Variants in MAP6 observed in about 807,000 individuals in gnomAD.
MAP6 encodes the protein microtubule-associated protein 6.
A neutral mutation model predicts 42.4 loss-of-function variants in MAP6; 26 were observed. The observed-to-expected ratio is 0.61, with a 90% CI of 0.45 to 0.85. MAP6 has a LOEUF of 0.85. MAP6 is among the 40% of genes least tolerant of loss of function. The pLI is 0.00. For missense variants in MAP6, 966 were observed against 1,099.0 expected (o/e 0.88, Z 1.71); for synonymous variants, 418 against 443.8 (o/e 0.94, Z 0.73).
At chr11:75,641,137 T>C (rs1409329175) in intron 1 of MAP6, among the ~76,000 whole-genome samples, 1 of 152,142 alleles carries the variant, frequency 6.6e-6, no homozygotes, top group Admixed American at 6.5e-5. Context: ...ATATACACCA[T>C]GGAACACTAT....
chr11:75,602,969 T>C, intron 3 of MAP6: 1 of 985,850 alleles, frequency 1.0e-6, no homozygotes, highest in Non-Finnish European at 1.2e-6. Flanking sequence ...TATACATGAA[T>C]ATTTTTGTCA....
chr11:75,595,566 T>G (rs1942563838), intron 3 of MAP6, among the ~76,000 whole-genome samples: 1 of 152,186 alleles, frequency 6.6e-6, no homozygotes, highest in Non-Finnish European at 1.5e-5. Flanking sequence ...ATACCTCCAA[T>G]GATCAGCCCA....
intron 3 of MAP6, chr11:75,604,191 G>C: frequency 1.0e-6 from 1 of 985,884 alleles, no homozygotes; most frequent in Non-Finnish European, 1.2e-6. Context: ...TGATATTCCT[G>C]TTCTGTTAAT....
chr11:75,641,551 A>G (rs905953797), intron 1 of MAP6, among the ~76,000 whole-genome samples: 1 of 151,992 alleles, frequency 6.6e-6, no homozygotes, highest in Non-Finnish European at 1.5e-5. Flanking sequence ...GGGGCCCAGG[A>G]TCTGCACTGT....
chr11:75,617,914 C>T (rs959012815), intron 1 of MAP6, among the ~76,000 whole-genome samples: 1 of 152,106 alleles, frequency 6.6e-6, no homozygotes, highest in African/African-American at 2.4e-5. Flanking sequence ...CCCCAACGAT[C>T]TGTGTCTGTC....
chr11:75,628,510 AG>A (rs1398937573), intron 1 of MAP6, among the ~76,000 whole-genome samples: 1 of 152,188 alleles, frequency 6.6e-6, no homozygotes, highest in Admixed American at 6.5e-5. Context: ...TGGAAAGGTG[AG>A]GAGCTGGGGG....
Position 75,668,640 on chromosome 11 carries a change from C to T in MAP6, c.-271G>A. On this transcript the variant is annotated 5_prime_UTR_variant, in exon 1 of 4. Transcript: ENST00000304771. ...CCGAAGGGTGAGACGCACGGCGTTC[C>T]CGAGTCCCCGGCGAGGGTGTCTGGG... 3.4e-6 allele frequency: 1 copy of T among 293,600 alleles called. No homozygotes were observed. Among genetic ancestry groups the T allele is most frequent in the Non-Finnish European group, 6.2e-6 (1 of 161,466 alleles). The allele number at this position is 293,600 out of a possible 1,614,324, so 18.2% of individuals were successfully genotyped here.
rs775532698 is a variant in MAP6 at position 75,587,499 on chromosome 11, G to T, written c.2002C>A (p.Pro668Thr). The T allele has an allele frequency of 6.2e-7, 1 of 1,614,138 alleles. No homozygotes were observed. The highest frequency in any genetic ancestry group is 1.7e-5 in the Admixed American group (1 of 60,020). Residue 668 changes from proline (P) to threonine (T), a missense_variant, in exon 4 of 4, where the codon CCT (proline) becomes ACT (threonine). By Grantham distance (38) the Pro-to-Thr change is conservative. Coordinates refer to ENST00000304771, the MANE Select transcript of MAP6 (RefSeq NM_033063.2). Reference sequence around the variant, plus strand: ...ACCACTAAACCTTGATTCTTTACAGGCTCAGAGACCATGGAACCTTGATTC... The same window carrying T: ...ACCACTAAACCTTGATTCTTTACAGTCTCAGAGACCATGGAACCTTGATTC... The part of the protein sequence containing the change: ...IKNQGSMVSE[P>T]VKNQGLVVSG...
At position 75,587,546 on chromosome 11, in the gene MAP6, G is replaced by A; in HGVS notation, c.1955C>T (p.Ala652Val). Reference sequence around the variant, plus strand: ...ATTCTTTATGGGTGCTGTGGCCATGGCACTTTCATCCTTCGGATGCTCTGG... The same window carrying A: ...ATTCTTTATGGGTGCTGTGGCCATGACACTTTCATCCTTCGGATGCTCTGG... ...MVPEHPKDES[A>V]MATAPIKNQG... The change falls in exon 4 of 4, where the codon GCC (alanine) becomes GTC (valine). Residue 652 changes from alanine to valine, a missense_variant. Physicochemically the swap from Ala to Val is moderately conservative, Grantham distance 64 (BLOSUM62 0). Coordinates refer to ENST00000304771, the MANE Select transcript of MAP6 (RefSeq NM_033063.2). The A allele has an allele frequency of 6.2e-7, 1 of 1,614,216 alleles. No individual in the cohort carries two copies. Among genetic ancestry groups the A allele is most frequent in the African/African-American group, 1.3e-5 (1 of 75,048 alleles).
chr11:75,654,121 T>C (rs987353533), intron 1 of MAP6, among the ~76,000 whole-genome samples: 64 of 152,180 alleles, frequency 4.2e-4, no homozygotes, highest in African/African-American at 1.4e-3. Flanking sequence ...AAGGTAGATA[T>C]TAGTGATTCT....
intron 1 of MAP6, among the ~76,000 whole-genome samples, chr11:75,625,045 A>T (rs1286097136): frequency 6.6e-6 from 1 of 152,200 alleles, no homozygotes; most frequent in Admixed American, 6.5e-5. Context: ...GCCTGGGGAG[A>T]GCAGGTGCTC....
intron 1 of MAP6, among the ~76,000 whole-genome samples, chr11:75,665,422 G>A (rs1042122758): frequency 1.3e-5 from 2 of 152,186 alleles, no homozygotes; most frequent in Admixed American, 6.5e-5. Context: ...ATCACCCAAG[G>A]AGGCTTAAGA....
intron 3 of MAP6, among the ~76,000 whole-genome samples, chr11:75,593,180 A>AC: frequency 6.6e-6 from 1 of 152,236 alleles, no homozygotes. Context: ...GAGGGCAGGG[A>AC]CCATGTCAGT....
At chr11:75,591,385 G>A (rs1266635572) in intron 3 of MAP6, among the ~76,000 whole-genome samples, 1 of 152,170 alleles carries the variant, frequency 6.6e-6, no homozygotes, top group Non-Finnish European at 1.5e-5. Flanking sequence ...TTCTATGCAC[G>A]AAACTGCACG....
intron 3 of MAP6, chr11:75,605,097 T>C: frequency 2.0e-6 from 2 of 985,460 alleles, no homozygotes; most frequent in Non-Finnish European, 2.4e-6. Context: ...AGCTGGAATG[T>C]ACCTAAAACA....
At chr11:75,610,144 C>T (rs918768014) in intron 1 of MAP6, among the ~76,000 whole-genome samples, 1 of 152,164 alleles carries the variant, frequency 6.6e-6, no homozygotes, top group Non-Finnish European at 1.5e-5. Context: ...TCACCAGATA[C>T]GTCTCCTTGG....
At chr11:75,599,265 GC>G (rs1378630366) in intron 3 of MAP6, among the ~76,000 whole-genome samples, 1 of 152,138 alleles carries the variant, frequency 6.6e-6, no homozygotes, top group Admixed American at 6.5e-5. Flanking sequence ...AGTAATTGAG[GC>G]CCATTACATG....
At position 75,587,953 on chromosome 11, in the gene MAP6, C is replaced by A. The variant is rs1302345992; in HGVS notation, c.1548G>T (p.Lys516Asn). ...DQDHTVPEPL[K>N]NESPVISAPV... The stretch of plus-strand genomic sequence containing the variant: ...GTGCTGAGATAACAGGGCTTTCATT[C>A]TTTAAAGGCTCAGGGACCGTGTGAT... The change falls in exon 4 of 4, where the codon AAG becomes AAT. Residue 516 changes from lysine to asparagine, a missense_variant. By Grantham distance (94) the Lys-to-Asn change is moderately conservative. Around this residue, in one of 2 missense-constraint regions of MAP6, gnomAD observed 943 missense variants for 1,049.9 expected, o/e 0.90. Coordinates refer to ENST00000304771, the MANE Select transcript of MAP6 (RefSeq NM_033063.2). 3 of 1,614,130 alleles carry A rather than the reference C, an allele frequency of 1.9e-6. No individual in the cohort carries two copies. Among genetic ancestry groups the A allele is most frequent in the Admixed American group, 3.3e-5 (2 of 60,002 alleles).
At chr11:75,640,095 G>A (rs1305795216) in intron 1 of MAP6, among the ~76,000 whole-genome samples, 1 of 152,104 alleles carries the variant, frequency 6.6e-6, no homozygotes, top group Non-Finnish European at 1.5e-5. Flanking sequence ...GGCTCCTAGA[G>A]CAGATGGTTG....
Sources: allele counts gnomAD v4.1 joint callset (sites outside exome capture counted in the v4.1 genomes callset), GRCh38; gene constraint gnomAD v4.1.1; regional missense constraint gnomAD v4.1.1; transcripts MANE v1.5; gene names NCBI Gene and HGNC (gene_info 2026-07-23, HGNC 2026-07-21).